Variants in REXO1 observed in about 807,000 individuals in gnomAD.
The protein encoded by REXO1 is RNA exonuclease 1 homolog, also known as REX1, RNA exonuclease 1 homolog.
In REXO1, 42 loss-of-function variants were observed where a neutral mutation model predicts 102.6. The ratio of observed to expected loss-of-function variants is 0.41; its 90% CI spans 0.32 to 0.53. REXO1 has a LOEUF of 0.53. Ranked by LOEUF, REXO1 falls within the 20% of genes least tolerant of loss-of-function variation. The pLI is 0.27. For missense variants in REXO1, 1,819 were observed against 1,732.5 expected (o/e 1.05, Z -0.89); for synonymous variants, 908 against 779.1 (o/e 1.17, Z -2.76).
At chr19:1,836,921 AACAG>A (rs2070056716) in intron 1 of REXO1, among the ~76,000 whole-genome samples, 1 of 152,100 alleles carries the variant, frequency 6.6e-6, no homozygotes. Context: ...CCCAGATGGA[AACAG>A]ACAGTCCCTC....
intron 13 of REXO1, 23 bp from the exon 14 acceptor site, chr19:1,816,592 C>T: frequency 6.2e-7 from 1 of 1,600,704 alleles, no homozygotes; most frequent in Non-Finnish European, 8.5e-7. Flanking sequence ...GCAGGAGGGG[C>T]ACCAGGGCTC....
chr19:1,846,289 T>C (rs569454266), intron 1 of REXO1, among the ~76,000 whole-genome samples: 1 of 152,200 alleles, frequency 6.6e-6, no homozygotes, highest in Admixed American at 6.5e-5. Context: ...CTGATGAACA[T>C]GTCACGGAGG....
At chr19:1,823,475 C>A (rs1249472717) in intron 4 of REXO1, 97 bp downstream of exon 4, 6 of 863,968 alleles carry the variant, frequency 6.9e-6, no homozygotes, top group Non-Finnish European at 9.4e-6. Context: ...TGAGCAAGCA[C>A]CATGTGGTTC....
At chr19:1,825,813 G>A (rs780677517) in intron 3 of REXO1, 26 bp downstream of exon 3, 1 of 1,376,602 alleles carries the variant, frequency 7.3e-7, no homozygotes, top group South Asian at 1.2e-5. Flanking sequence ...AAAGGCTCCT[G>A]CTGGCCTGGC....
chr19:1,816,702 T>C lies in REXO1; in HGVS notation c.3313A>G (p.Thr1105Ala), dbSNP rs2069376049. The change falls in exon 13 of 16, where the codon ACC (threonine) becomes GCC (alanine). Residue 1105 changes from threonine (T) to alanine (A), a missense_variant. Transcript: ENST00000170168. ...CGTGGAGGGCACTGGCCACACCTGG[T>C]GTTGTAGTCCACGATCTCGTTGTCA... ...KPDNEIVDYN[T>A]RFSGVTEADL... The C allele has an allele frequency of 6.2e-7, 1 of 1,611,642 alleles. No homozygotes were observed. Among genetic ancestry groups the C allele is most frequent in the Admixed American group, 1.7e-5 (1 of 59,896 alleles).
chr19:1,828,586 G>A lies in REXO1; in HGVS notation c.203C>T (p.Ala68Val), dbSNP rs148700514. 118 of 1,603,508 alleles carry A rather than the reference G, an allele frequency of 7.4e-5. 1 individual carries two copies. The East Asian group carries it at 2.0e-3, about 28-fold the overall frequency. The change falls in exon 2 of 16, where the codon GCG (alanine) becomes GTG (valine). Residue 68 changes from alanine (A) to valine (V), a missense_variant. Coordinates refer to ENST00000170168, the MANE Select transcript of REXO1 (RefSeq NM_020695.4). ...GCCCAGGGTGCCATTCTCCCTCTGC[G>A]CGGGGGGCTTGGGCAGCTCAGGGTT... The part of the protein sequence containing the change: ...PYNPELPKPP[A>V]QRENGTLGLG...
Position 1,826,543 on chromosome 19 carries a change from A to G in REXO1, c.1911+335T>C, listed in dbSNP as rs1376514937. Among the ~76,000 whole-genome samples, 12 of 150,310 alleles carry G rather than the reference A, an allele frequency of 8.0e-5. No homozygotes were observed. Among genetic ancestry groups the G allele is most frequent in the Non-Finnish European group, 1.5e-4 (10 of 67,536 alleles). ...GGGGAGGCGAGGGGAGAGGGGCTAGAAGGGTGTGCCGGAGGTGGATTCCCC... is the reference window on the plus strand; with the variant it reads ...GGGGAGGCGAGGGGAGAGGGGCTAGGAGGGTGTGCCGGAGGTGGATTCCCC... On this transcript the variant is annotated intron_variant, in intron 2 of 15. Coordinates refer to ENST00000170168, the MANE Select transcript of REXO1 (RefSeq NM_020695.4). The surrounding 1 kb of genome is among the most constrained non-coding windows in gnomAD (Gnocchi z 4.3).
chr19:1,824,090 C>T (rs781651628), intron 3 of REXO1: 11 of 318,764 alleles, frequency 3.5e-5, no homozygotes, highest in South Asian at 1.6e-4. Flanking sequence ...AATCCCACTA[C>T]GCCTAATCTT....
At chr19:1,831,750 C>A in intron 1 of REXO1, among the ~76,000 whole-genome samples, 1 of 144,432 alleles carries the variant, frequency 6.9e-6, no homozygotes, top group East Asian at 2.0e-4. Context: ...GAGGCTGAGG[C>A]AAGAGAATCG....
At chr19:1,837,961 G>A (rs35202074) in intron 1 of REXO1, among the ~76,000 whole-genome samples, 55,322 of 152,200 alleles carry the variant, frequency 0.36, 11,656 homozygotes, top group Non-Finnish European at 0.49. Flanking sequence ...CTTACAGCTC[G>A]AGGCTAGGGG....
rs1376712937 is a variant in REXO1, at chr19:1,828,317, G to C, written c.472C>G (p.Leu158Val). Residue 158 changes from leucine to valine, a missense_variant, in exon 2 of 16, where the codon CTA becomes GTA. Transcript: ENST00000170168. ...TGGTAGCCGGCATCAGGGCTTAATA[G>C]GCCGTGGCTGCCGGGGCTGTAGTCG... ...AFDYSPGSHG[L>V]LSPDAGYQPT... is the part of the protein sequence containing the mutation. 1 of 1,609,774 alleles carries C rather than the reference G, an allele frequency of 6.2e-7. No individual in the cohort carries two copies. Among genetic ancestry groups the C allele is most frequent in the Admixed American group, 1.7e-5 (1 of 59,728 alleles).
At chr19:1,824,808 C>T (rs2069660968) in intron 3 of REXO1, among the ~76,000 whole-genome samples, 1 of 149,890 alleles carries the variant, frequency 6.7e-6, no homozygotes, top group Non-Finnish European at 1.5e-5. Flanking sequence ...CTTTTTGAGA[C>T]AGAGTCTTGC....
chr19:1,821,963 C>A, intron 4 of REXO1: 1 of 542,450 alleles, frequency 1.8e-6, no homozygotes, highest in Non-Finnish European at 3.2e-6. Flanking sequence ...TGACCCCAAG[C>A]CCAAGGCGTC....
At position 1,827,814 on chromosome 19, in the gene REXO1, C is replaced by G. The variant is rs773232343; in HGVS notation, c.975G>C (p.Glu325Asp). The G allele has an allele frequency of 8.1e-5, 131 of 1,608,170 alleles. No homozygotes were observed. The highest frequency in any genetic ancestry group is 1.1e-4 in the Non-Finnish European group (130 of 1,178,746). The change falls in exon 2 of 16, where the codon GAG becomes GAC. Residue 325 changes from glutamate (E) to aspartate (D), a missense_variant. By Grantham distance (45) the Glu-to-Asp change is conservative. Coordinates refer to ENST00000170168, the MANE Select transcript of REXO1 (RefSeq NM_020695.4). ...IKATGQPPSK[E>D]GLEAEGGGLR... ...GGCCGCCCCCCTCGGCCTCCAGGCC[C>G]TCTTTGGAGGGTGGCTGCCCGGTGG...
chr19:1,847,636 G>A (rs2011606920), intron 1 of REXO1, among the ~76,000 whole-genome samples: 1 of 152,242 alleles, frequency 6.6e-6, no homozygotes, highest in South Asian at 2.1e-4. Flanking sequence ...ATTCCTCGGA[G>A]CCCACTCGAG....
chr19:1,821,376 A>T, intron 5 of REXO1, 143 bp downstream of exon 5: 2 of 687,874 alleles, frequency 2.9e-6, no homozygotes, highest in Non-Finnish European at 4.8e-6. Flanking sequence ...AGGCATGGGG[A>T]GGGAAGGTGA....
At chr19:1,847,842 CA>C (rs1166029167) in intron 1 of REXO1, among the ~76,000 whole-genome samples, 3 of 152,180 alleles carry the variant, frequency 2.0e-5, no homozygotes, top group Non-Finnish European at 4.4e-5. Flanking sequence ...GGGCGCCAAT[CA>C]GGGGCAGGAG....
chr19:1,817,132 A>G (rs200454205), intron 12 of REXO1, 87 bp downstream of exon 12: 2 of 806,460 alleles, frequency 2.5e-6, no homozygotes, highest in Admixed American at 3.2e-5. Context: ...CCGGTGAGCC[A>G]GGCCCAGATG....
chr19:1,846,652 G>A (rs1238044620), intron 1 of REXO1, among the ~76,000 whole-genome samples: 2 of 152,180 alleles, frequency 1.3e-5, no homozygotes, highest in Non-Finnish European at 2.9e-5. Context: ...ACTTTGGGAG[G>A]CCGAAGCAGG....
Sources: allele counts gnomAD v4.1 joint callset (sites outside exome capture counted in the v4.1 genomes callset), GRCh38; gene constraint gnomAD v4.1.1; non-coding constraint Gnocchi (gnomAD v3.1); transcripts MANE v1.5; gene names NCBI Gene and HGNC (gene_info 2026-07-23, HGNC 2026-07-21).